PATL1: variants seen among roughly 807,000 people sequenced by gnomAD.
PATL1 encodes PAT1 homolog 1, processing body mRNA decay factor.
In PATL1, 32 loss-of-function variants were observed where a neutral mutation model predicts 100.6. That is an observed-to-expected ratio of 0.32 (90% CI 0.24 to 0.43). The LOEUF (loss-of-function observed/expected upper bound fraction) is 0.43. Among genes scored for constraint, PATL1 ranks in the 20% least tolerant of loss-of-function variants. The pLI is 1.00. For synonymous variants in PATL1, 332 were observed against 330.0 expected (o/e 1.01, Z -0.07); for missense variants, 747 against 949.9 (o/e 0.79, Z 2.81).
chr11:59,658,946 G>T lies in PATL1; in HGVS notation c.346C>A (p.Pro116Thr), dbSNP rs371253037. 4.1e-5 allele frequency: 63 copies of T among 1,545,694 alleles called. No individual in the cohort carries two copies. In the African/African-American group the frequency reaches 7.5e-4, roughly 18 times the overall value. ...CTGGAATTCAGACTTCCTGGTTGGG[G>T]CTAACAAAAAAGGAAAACATACAGA... ...RAVQTRPVLQ[P>T]QPGSLNSSIW... The change falls in exon 4 of 19, where the codon CCC becomes ACC. Residue 116 changes from proline to threonine, a missense_variant and splice_region_variant. By Grantham distance (38) the Pro-to-Thr change is conservative. Coordinates refer to ENST00000300146, the MANE Select transcript of PATL1 (RefSeq NM_152716.3).
At chr11:59,653,770 C>T (rs1027502464) in intron 9 of PATL1, among the ~76,000 whole-genome samples, 3 of 152,054 alleles carry the variant, frequency 2.0e-5, no homozygotes, top group Non-Finnish European at 4.4e-5. Context: ...TTCCGTGTGC[C>T]TTTTAGTTTT....
rs1565132308 is a variant in PATL1 at position 59,649,546 on chromosome 11, T to C, written c.1649A>G (p.Glu550Gly). ...ERRYLLSLEE[E>G]RPALMDDRKH... Reference sequence around the variant, plus strand: ...TCTGTCATCCATTAGGGCAGGTCGCTCTTCTTCCAGACTTAGGAGATAACG... The same window carrying C: ...TCTGTCATCCATTAGGGCAGGTCGCCCTTCTTCCAGACTTAGGAGATAACG... Residue 550 changes from glutamate to glycine, a missense_variant, in exon 14 of 19, where the codon GAG becomes GGG. By Grantham distance (98) the Glu-to-Gly change is moderately conservative (BLOSUM62 -2). This residue lies in a region of PATL1 where 434 missense variants were observed against 596.1 expected (regional missense o/e 0.73). Coordinates refer to ENST00000300146, the MANE Select transcript of PATL1 (RefSeq NM_152716.3). The C allele has an allele frequency of 6.2e-7, 1 of 1,613,810 alleles. No homozygotes were observed. The highest frequency in any genetic ancestry group is 8.5e-7 in the Non-Finnish European group (1 of 1,179,796).
intron 13 of PATL1, 87 bp downstream of exon 13, chr11:59,650,667 G>C: frequency 1.1e-6 from 1 of 892,428 alleles, no homozygotes. Flanking sequence ...AACATTGACT[G>C]ATTGCTCACT....
chr11:59,647,222 C>CAAAAAAA (rs1175300355), intron 15 of PATL1, among the ~76,000 whole-genome samples: 2 of 60,488 alleles, frequency 3.3e-5, no homozygotes, highest in African/African-American at 1.2e-4. Flanking sequence ...AACTCTGTCT[C>CAAAAAAA]AAAAAAAAAA....
In PATL1 at chr11:59,668,974, C is replaced by G. The variant is rs1347007512; in HGVS notation, c.-79G>C. 1 of 318,464 alleles carries G rather than the reference C, an allele frequency of 3.1e-6. No homozygotes were observed. Among genetic ancestry groups the G allele is most frequent in the Non-Finnish European group, 6.0e-6 (1 of 167,782 alleles). The allele number at this position is 318,464 out of a possible 1,614,324, so 19.7% of individuals were successfully genotyped here. ...GCGCTGACTCCCCGGCTCCTCCGCG[C>G]GCGGGTCCTCCACCGGCTCGCGACC... On this transcript the variant is annotated 5_prime_UTR_variant, in exon 1 of 19. Transcript: ENST00000300146.
intron 11 of PATL1, 56 bp from the exon 12 acceptor site, chr11:59,651,697 C>T (rs1861445651): frequency 1.8e-6 from 2 of 1,122,412 alleles, no homozygotes; most frequent in South Asian, 1.3e-5. Context: ...GCAATGCAGG[C>T]AGGCAGTGTT....
At chr11:59,654,968 G>T (rs1035274592) in intron 8 of PATL1, among the ~76,000 whole-genome samples, 1 of 152,166 alleles carries the variant, frequency 6.6e-6, no homozygotes, top group Non-Finnish European at 1.5e-5. Flanking sequence ...AATCCTGCTT[G>T]AGTGTCTTGA....
At chr11:59,649,741 T>A (rs1861415024) in intron 13 of PATL1, 131 bp from the exon 14 acceptor site, 10 of 937,124 alleles carry the variant, frequency 1.1e-5, no homozygotes, top group South Asian at 3.9e-5. Context: ...TTTTTTTTTT[T>A]AATGTAGAAA....
Position 59,652,820 on chromosome 11 carries a change from C to A in PATL1, c.1302+18G>T. On this transcript the variant is annotated intron_variant, in intron 10 of 18. Transcript: ENST00000300146. The stretch of plus-strand genomic sequence containing the variant: ...GGGGACCAAACTATTATCCTCAAAA[C>A]TAGCACAGAGTATTTACCTGGTAAT... 6.2e-7 allele frequency: 1 copy of A among 1,609,392 alleles called. No homozygotes were observed. Among genetic ancestry groups the A allele is most frequent in the Non-Finnish European group, 8.5e-7 (1 of 1,177,216 alleles).
At chr11:59,648,185 C>CTT (rs887689437) in intron 14 of PATL1, among the ~76,000 whole-genome samples, 1,775 of 130,452 alleles carry the variant, frequency 0.014, 55 homozygotes, top group African/African-American at 0.048. Context: ...AACTTTTTTT[C>CTT]TTTTTTTTTT....
intron 15 of PATL1, 61 bp downstream of exon 15, chr11:59,647,693 T>C: frequency 6.5e-7 from 1 of 1,532,108 alleles, no homozygotes; most frequent in South Asian, 1.2e-5. Flanking sequence ...TAAGTTTGCA[T>C]TCTAGAAATC....
chr11:59,666,690 C>G (rs1447921420), intron 2 of PATL1, among the ~76,000 whole-genome samples, 163 bp downstream of exon 2: 2 of 152,188 alleles, frequency 1.3e-5, no homozygotes, highest in East Asian at 3.8e-4. Context: ...AGGATAGGTG[C>G]TGTTTCCAGT....
chr11:59,657,700 C>G lies in PATL1; in HGVS notation c.451G>C (p.Glu151Gln). The G allele has an allele frequency of 6.2e-7, 1 of 1,609,880 alleles. No individual in the cohort carries two copies. The highest frequency in any genetic ancestry group is 8.5e-7 in the Non-Finnish European group (1 of 1,177,702). Reference sequence around the variant, plus strand: ...GGGGGCCTCTGAGGCAAAGCATATTCTAATACAGACACTGTAGGCATTTCC... The same window carrying G: ...GGGGGCCTCTGAGGCAAAGCATATTGTAATACAGACACTGTAGGCATTTCC... ...AQEMPTVSVL[E>Q]YALPQRPPQG... Residue 151 changes from glutamate to glutamine, a missense_variant, in exon 5 of 19, where the codon GAA (glutamate) becomes CAA (glutamine). By Grantham distance (29) the Glu-to-Gln change is conservative (BLOSUM62 2). Coordinates refer to ENST00000300146, the MANE Select transcript of PATL1 (RefSeq NM_152716.3).
At chr11:59,648,730 G>A (rs1482664663) in intron 14 of PATL1, among the ~76,000 whole-genome samples, 1 of 151,866 alleles carries the variant, frequency 6.6e-6, no homozygotes, top group African/African-American at 2.4e-5. Context: ...ACATTTTAAT[G>A]GCTGCATAAC....
At chr11:59,668,640 C>A (rs1861728280) in intron 1 of PATL1, among the ~76,000 whole-genome samples, 1 of 152,084 alleles carries the variant, frequency 6.6e-6, no homozygotes, top group African/African-American at 2.4e-5. Context: ...GGGCCCTCCC[C>A]ACCCCAAAAC....
At chr11:59,639,414 A>C in intron 16 of PATL1, 31 bp from the exon 17 acceptor site, 6 of 1,507,682 alleles carry the variant, frequency 4.0e-6, no homozygotes, top group South Asian at 1.2e-5. Flanking sequence ...AATCAAACTC[A>C]ACACTGTGTC....
intron 2 of PATL1, among the ~76,000 whole-genome samples, chr11:59,661,589 G>A (rs1861625014): frequency 6.6e-6 from 1 of 152,060 alleles, no homozygotes; most frequent in African/African-American, 2.4e-5. Flanking sequence ...TCAACAGACA[G>A]GGATAACAGG....
chr11:59,651,709 A>T (rs1861446013), intron 11 of PATL1, 68 bp from the exon 12 acceptor site: 11 of 1,028,396 alleles, frequency 1.1e-5, no homozygotes, highest in Non-Finnish European at 1.4e-5. Flanking sequence ...GGCAGTGTTC[A>T]AAGAAGATTT....
rs370842131 is a variant in PATL1 at position 59,637,914 on chromosome 11, GGT to G, written c.*474_*475del. On this transcript the variant is annotated 3_prime_UTR_variant, in exon 19 of 19. Coordinates refer to ENST00000300146, the MANE Select transcript of PATL1 (RefSeq NM_152716.3). ...GAAGACCACATAAATACATGTATGGGGTGTGTGTGTGTGTATCTATGTGTGTG... is the reference window on the plus strand; with the variant it reads ...GAAGACCACATAAATACATGTATGGGGTGTGTGTGTGTATCTATGTGTGTG... The G allele has an allele frequency of 5.1e-4, 82 of 160,542 alleles. No individual in the cohort carries two copies. The highest frequency in any genetic ancestry group is 1.4e-3 in the South Asian group (8 of 5,684). The allele number at this position is 160,542 out of a possible 1,614,324, so 9.9% of individuals were successfully genotyped here.
Sources: gnomAD v4.1 joint callset for allele counts (sites outside exome capture counted in the v4.1 genomes callset) on GRCh38, gnomAD v4.1.1 for gene constraint, gnomAD v4.1.1 regional missense constraint, MANE v1.5 for transcripts, NCBI Gene and HGNC (gene_info 2026-07-23, HGNC 2026-07-21) for gene names.